IFFO2: variants seen among roughly 807,000 people sequenced by gnomAD.
The protein encoded by IFFO2 is intermediate filament family orphan 2.
Under a neutral mutation model 53.5 loss-of-function variants are expected in IFFO2, and 19 were observed. The observed-to-expected ratio is 0.36, with a 90% confidence interval of 0.25 to 0.52. The LOEUF (loss-of-function observed/expected upper bound fraction) is 0.52, where lower values mean the gene tolerates loss of function less well. IFFO2 is among the 20% of genes least tolerant of loss of function. The pLI is 0.94. For synonymous variants in IFFO2, 303 were observed against 313.6 expected (o/e 0.97, Z 0.36); for missense variants, 570 against 727.4 (o/e 0.78, Z 2.49).
intron 5 of IFFO2, among the ~76,000 whole-genome samples, chr1:18,915,367 C>T (rs1306489024): frequency 1.1e-5 from 1 of 88,332 alleles, no homozygotes; most frequent in Non-Finnish European, 2.3e-5. Context: ...GCAGAGCCTC[C>T]CAGAGCTCTG....
chr1:18,932,123 C>T (rs929226776), intron 1 of IFFO2, among the ~76,000 whole-genome samples: 7 of 152,302 alleles, frequency 4.6e-5, no homozygotes, highest in Admixed American at 6.5e-5. Context: ...ACCAACCACA[C>T]GCTCCCGGGC....
rs1384443779 is a variant in IFFO2, at chr1:18,916,434, A to G, written c.1103+469T>C. Among the ~76,000 whole-genome samples, 8 of 152,092 alleles carry G rather than the reference A, an allele frequency of 5.3e-5. No homozygotes were observed. The highest frequency in any genetic ancestry group is 1.9e-4 in the African/African-American group (8 of 41,418). On this transcript the variant is annotated intron_variant, in intron 5 of 8. Transcript: ENST00000455833. This position sits in a 1 kb window ranked among gnomAD's most constrained non-coding sequence, Gnocchi z 4.3. The stretch of plus-strand genomic sequence containing the variant: ...CCTGACCTCCTCGAGCTTCCAAGAG[A>G]GGCTGAACATATGAAATTTCCCAAA...
At chr1:18,931,912 A>G (rs1936380763) in intron 1 of IFFO2, among the ~76,000 whole-genome samples, 1 of 152,224 alleles carries the variant, frequency 6.6e-6, no homozygotes, top group African/African-American at 2.4e-5. Context: ...ATGTGTACAC[A>G]TGGGGTCACA....
At chr1:18,953,808 G>A (rs1936689001) in intron 1 of IFFO2, among the ~76,000 whole-genome samples, 1 of 152,198 alleles carries the variant, frequency 6.6e-6, no homozygotes, top group Non-Finnish European at 1.5e-5. Context: ...GGTGCAACTT[G>A]AATAGATCGT....
chr1:18,915,261 G>C (rs763122889), intron 5 of IFFO2, among the ~76,000 whole-genome samples: 20 of 152,210 alleles, frequency 1.3e-4, no homozygotes, highest in Non-Finnish European at 2.8e-4. Flanking sequence ...TCTGCAGGGA[G>C]GTTAGGAGAG....
Position 18,936,084 on chromosome 1 carries a change from G to A in IFFO2, c.666-14963C>T, listed in dbSNP as rs2148182035. Among the ~76,000 whole-genome samples the A allele has an allele frequency of 6.6e-6, 1 of 152,124 alleles. No homozygotes were observed. Among genetic ancestry groups the A allele is most frequent in the East Asian group, 1.9e-4 (1 of 5,164 alleles). On this transcript the variant is annotated intron_variant, in intron 1 of 8. Coordinates refer to ENST00000455833, the MANE Select transcript of IFFO2 (RefSeq NM_001136265.2). The surrounding 1 kb of genome is among the most constrained non-coding windows in gnomAD (Gnocchi z 4.5). ...GCCCAGCACAGAGCCTGGCACATAG[G>A]AGGCCCCATAAATATTCACTGGATT...
chr1:18,930,849 A>T (rs1401645468), intron 1 of IFFO2, among the ~76,000 whole-genome samples: 1 of 152,148 alleles, frequency 6.6e-6, no homozygotes, highest in East Asian at 1.9e-4. Flanking sequence ...TCCCAGCATC[A>T]CTGCCACTTG....
rs540405770 is a variant in IFFO2 at position 18,918,624 on chromosome 1, G to A, written c.823-122C>T. The A allele has an allele frequency of 8.1e-4, 819 of 1,015,552 alleles. 11 individuals carry two copies. In the South Asian group the frequency reaches 0.011, roughly 14 times the overall value. 62.9% of individuals were successfully genotyped at this position (1,015,552 alleles called of 1,614,324 possible). ...TGGTGCGGGGAGGCCTCCAGAGTCC[G>A]AGGGTGCCTTGGGCTTTTCCGTGGA... On this transcript the variant is annotated intron_variant, in intron 3 of 8. Transcript: ENST00000455833. The surrounding 1 kb of genome is among the most constrained non-coding windows in gnomAD (Gnocchi z 5.2).
In IFFO2 at chr1:18,936,885, T is replaced by C. The variant is rs1045079316; in HGVS notation, c.666-15764A>G. 6.9e-6 allele frequency among the ~76,000 whole-genome samples: 1 copy of C among 143,998 alleles called. No individual in the cohort carries two copies. Among genetic ancestry groups the C allele is most frequent in the Non-Finnish European group, 1.5e-5 (1 of 66,880 alleles). 94.5% of individuals were successfully genotyped at this position (143,998 alleles called of 152,430 possible). A position where few individuals can be genotyped will look rare whatever the true frequency, so the allele number is the denominator to read the frequency against. On this transcript the variant is annotated intron_variant, in intron 1 of 8. Coordinates refer to ENST00000455833, the MANE Select transcript of IFFO2 (RefSeq NM_001136265.2). The surrounding 1 kb of genome is among the most constrained non-coding windows in gnomAD (Gnocchi z 4.5). Reference sequence around the variant, plus strand: ...CTCTAGGGCTCAGTCTCCTCACCTGTAAAATGGGTGAGAATGACCCCACCT... The same window carrying C: ...CTCTAGGGCTCAGTCTCCTCACCTGCAAAATGGGTGAGAATGACCCCACCT...
intron 6 of IFFO2, among the ~76,000 whole-genome samples, chr1:18,911,736 G>A (rs962361229): frequency 1.3e-5 from 2 of 151,886 alleles, no homozygotes; most frequent in African/African-American, 4.8e-5. Context: ...ATGAGATTTC[G>A]CCATATTGGC....
chr1:18,914,141 A>G (rs1465674189), intron 5 of IFFO2, among the ~76,000 whole-genome samples: 1 of 152,140 alleles, frequency 6.6e-6, no homozygotes, highest in Non-Finnish European at 1.5e-5. Context: ...TGTTTGTTTT[A>G]ACTTAGGTAA....
intron 1 of IFFO2, among the ~76,000 whole-genome samples, chr1:18,951,229 T>C (rs1936655949): frequency 1.3e-5 from 2 of 152,132 alleles, no homozygotes; most frequent in African/African-American, 4.8e-5. Flanking sequence ...GGGTCAAATC[T>C]CAGGTACTCA....
chr1:18,946,193 C>T (rs114400404), intron 1 of IFFO2, among the ~76,000 whole-genome samples: 1,679 of 152,268 alleles, frequency 0.011, 35 homozygotes, highest in African/African-American at 0.038. Flanking sequence ...AGGCACTCCG[C>T]TTGCCAGTTT....
At chr1:18,929,661 G>GCCAACA (rs772718818) in intron 1 of IFFO2, among the ~76,000 whole-genome samples, 1 of 151,724 alleles carries the variant, frequency 6.6e-6, no homozygotes, top group Non-Finnish European at 1.5e-5. Context: ...GTGGTGACTT[G>GCCAACA]AGAGGTGAGA....
chr1:18,934,057 CTTT>C (rs71577808), intron 1 of IFFO2, among the ~76,000 whole-genome samples: 3 of 70,328 alleles, frequency 4.3e-5, no homozygotes, highest in African/African-American at 6.9e-5. Flanking sequence ...TCTCTTATTT[CTTT>C]TTTTTTTTTT....
chr1:18,943,617 G>C (rs774501680), intron 1 of IFFO2, among the ~76,000 whole-genome samples: 1 of 152,190 alleles, frequency 6.6e-6, no homozygotes, highest in South Asian at 2.1e-4. Context: ...CCAACACCCT[G>C]TGGGTATCAT....
intron 1 of IFFO2, among the ~76,000 whole-genome samples, chr1:18,951,791 G>GCCTGGAC (rs1469504926): frequency 6.6e-6 from 1 of 152,226 alleles, no homozygotes; most frequent in Non-Finnish European, 1.5e-5. Context: ...TATGCCTGGA[G>GCCTGGAC]CCTGGACCCT....
rs879651595 is a variant in IFFO2 at position 18,916,732 on chromosome 1, C to G, written c.1103+171G>C. 3.3e-5 allele frequency among the ~76,000 whole-genome samples: 5 copies of G among 151,976 alleles called. No homozygotes were observed. The highest frequency in any genetic ancestry group is 7.4e-5 in the Non-Finnish European group (5 of 68,000). The stretch of plus-strand genomic sequence containing the variant: ...AGTGAGCTGTGACCATGCCGCCGCA[C>G]TCCAGCCTCCAGCCTGGGTGACAAA... On this transcript the variant is annotated intron_variant, in intron 5 of 8. Coordinates refer to ENST00000455833, the MANE Select transcript of IFFO2 (RefSeq NM_001136265.2). The surrounding 1 kb of genome is among the most constrained non-coding windows in gnomAD (Gnocchi z 4.3).
intron 1 of IFFO2, among the ~76,000 whole-genome samples, chr1:18,939,745 C>A (rs1936496984): frequency 6.6e-6 from 1 of 152,196 alleles, no homozygotes. Flanking sequence ...TGATATCCAA[C>A]CACTTTCCTC....
Sources: allele counts gnomAD v4.1 joint callset (sites outside exome capture counted in the v4.1 genomes callset), GRCh38; gene constraint gnomAD v4.1.1; non-coding constraint Gnocchi (gnomAD v3.1); transcripts MANE v1.5; gene names NCBI Gene and HGNC (gene_info 2026-07-23, HGNC 2026-07-21).